OSBPL9: variants seen among roughly 807,000 people sequenced by gnomAD.
OSBPL9 encodes oxysterol binding protein like 9, also known as oxysterol-binding protein-related protein 9.
OSBPL9 carries 40 observed loss-of-function variants against 106.6 expected under a neutral mutation model. The observed-to-expected ratio is 0.38, with a 90% CI of 0.29 to 0.49. The LOEUF (loss-of-function observed/expected upper bound fraction) is 0.49. Ranked by LOEUF, OSBPL9 falls within the 20% of genes least tolerant of loss-of-function variation. The probability of loss-of-function intolerance (pLI) is 0.97; values close to 1 mark genes in which losing one functional copy is unlikely to be tolerated. For synonymous variants in OSBPL9, 269 were observed against 295.4 expected (o/e 0.91, Z 0.92); for missense variants, 609 against 887.2 (o/e 0.69, Z 3.98).
chr1:51,584,137 C>T (rs1362784192), intron 1 of OSBPL9, among the ~76,000 whole-genome samples: 1 of 152,118 alleles, frequency 6.6e-6, no homozygotes, highest in Non-Finnish European at 1.5e-5. Context: ...ATTACAGGTG[C>T]AAGCCACTGT....
chr1:51,538,340 G>C, the OSBPL9 span, among the ~76,000 whole-genome samples: 1 of 152,232 alleles, frequency 6.6e-6, no homozygotes, highest in Non-Finnish European at 1.5e-5. Context: ...AAATAGAATT[G>C]TTACATCCAT....
At chr1:51,622,854 T>G (rs1644526940) in intron 1 of OSBPL9, among the ~76,000 whole-genome samples, 2 of 152,230 alleles carry the variant, frequency 1.3e-5, no homozygotes, top group Non-Finnish European at 1.5e-5. Flanking sequence ...GGGATGGGAA[T>G]TTCAGACATG....
At chr1:51,542,335 G>A in the OSBPL9 span, among the ~76,000 whole-genome samples, 1 of 152,208 alleles carries the variant, frequency 6.6e-6, no homozygotes. Flanking sequence ...CACACACACT[G>A]AGTAAGAGTC....
the OSBPL9 span, among the ~76,000 whole-genome samples, chr1:51,564,238 CT>C: frequency 6.6e-6 from 1 of 151,964 alleles, no homozygotes; most frequent in Non-Finnish European, 1.5e-5. Context: ...AAGAAAGAGG[CT>C]TTAAGCACTT....
At chr1:51,741,078 A>G (rs1179385440) in intron 4 of OSBPL9, among the ~76,000 whole-genome samples, 1 of 152,222 alleles carries the variant, frequency 6.6e-6, no homozygotes, top group Non-Finnish European at 1.5e-5. Context: ...AACTGAAATC[A>G]TTAAGAATTG....
chr1:51,645,810 A>AT (rs1646119231), intron 1 of OSBPL9, among the ~76,000 whole-genome samples: 1 of 151,418 alleles, frequency 6.6e-6, no homozygotes, highest in African/African-American at 2.4e-5. Flanking sequence ...TTTTTATGGC[A>AT]TAGGGTAGGT....
At chr1:51,695,397 T>C (rs1169815641) in intron 3 of OSBPL9, among the ~76,000 whole-genome samples, 4 of 152,186 alleles carry the variant, frequency 2.6e-5, no homozygotes, top group Admixed American at 2.0e-4. Flanking sequence ...AGTTTTGCAC[T>C]GAGGACCCCA....
chr1:51,782,064 T>C (rs1227215466), intron 16 of OSBPL9, among the ~76,000 whole-genome samples: 1 of 152,088 alleles, frequency 6.6e-6, no homozygotes, highest in Non-Finnish European at 1.5e-5. Flanking sequence ...GAAGAGTAGG[T>C]AACCCAGAAC....
At chr1:51,774,986 G>A (rs1674731278) in intron 14 of OSBPL9, among the ~76,000 whole-genome samples, 1 of 151,958 alleles carries the variant, frequency 6.6e-6, no homozygotes, top group African/African-American at 2.4e-5. Flanking sequence ...TGAGTTGTAA[G>A]AGCTGTTTAT....
At chr1:51,550,809 T>C in the OSBPL9 span, among the ~76,000 whole-genome samples, 6 of 152,310 alleles carry the variant, frequency 3.9e-5, no homozygotes, top group East Asian at 1.2e-3. Flanking sequence ...CCACTGTGCC[T>C]GGCCCCATAC....
intron 8 of OSBPL9, among the ~76,000 whole-genome samples, chr1:51,754,889 G>A (rs770690198): frequency 1.3e-5 from 2 of 152,104 alleles, no homozygotes; most frequent in East Asian, 1.9e-4. Context: ...TCACTGCAAC[G>A]TCAAACTCCT....
At chr1:51,565,734 A>G in the OSBPL9 span, 2 of 152,168 alleles carry the variant, frequency 1.3e-5, no homozygotes. Flanking sequence ...TCCAACTCCT[A>G]GGTTAACTCA....
intron 2 of OSBPL9, among the ~76,000 whole-genome samples, chr1:51,607,142 GTTTTTCTTTTCTTTTC>G (rs1643954362): frequency 2.0e-5 from 3 of 149,946 alleles, no homozygotes; most frequent in African/African-American, 7.4e-5. Context: ...GACTACAGAT[GTTTTTCTTTTCTTTTC>G]TTTTTCTTTT....
rs879228443 is a variant in OSBPL9 at position 51,789,074 on chromosome 1, GT to G, written c.*1288del. ...TTGCCAGCTCCTACAGTAACCCTGG[GT>G]TTATTAGTCTCAACAAAGGATAAAA... On this transcript the variant is annotated 3_prime_UTR_variant, in exon 24 of 24. Transcript: ENST00000428468. 7 of 719,420 alleles carry G rather than the reference GT, an allele frequency of 9.7e-6. No individual in the cohort carries two copies. In the South Asian group the frequency reaches 1.3e-4, roughly 13 times the overall value. The allele number at this position is 719,420 out of a possible 1,614,324, so 44.6% of individuals were successfully genotyped here.
At chr1:51,631,755 G>A (rs1333003615) in intron 1 of OSBPL9, among the ~76,000 whole-genome samples, 3 of 152,266 alleles carry the variant, frequency 2.0e-5, no homozygotes, top group East Asian at 1.9e-4. Flanking sequence ...AACTATAAAT[G>A]TCTCCCAAAG....
At chr1:51,723,074 C>T (rs760490390) in intron 4 of OSBPL9, among the ~76,000 whole-genome samples, 2 of 152,208 alleles carry the variant, frequency 1.3e-5, no homozygotes, top group African/African-American at 2.4e-5. Context: ...GCTTCCCCTA[C>T]GCATGTGCGG....
Position 51,787,840 on chromosome 1 carries a change from C to T in OSBPL9, c.*51C>T, listed in dbSNP as rs374373615. 4.8e-6 allele frequency: 7 copies of T among 1,456,340 alleles called. No homozygotes were observed. The highest frequency in any genetic ancestry group is 6.7e-6 in the Non-Finnish European group (7 of 1,038,966). The allele number at this position is 1,456,340 out of a possible 1,614,324, so 90.2% of individuals were successfully genotyped here. On this transcript the variant is annotated 3_prime_UTR_variant, in exon 24 of 24. Coordinates refer to ENST00000428468, the MANE Select transcript of OSBPL9 (RefSeq NM_024586.6). ...GATGATCAGGGCAGTAGGCATAATT[C>T]AGCAACAAACAATCTTCCTTTGGGA...
chr1:51,553,409 G>A, the OSBPL9 span, among the ~76,000 whole-genome samples: 1 of 152,048 alleles, frequency 6.6e-6, no homozygotes, highest in African/African-American at 2.4e-5. Context: ...AGCTACTTGG[G>A]AGGCTGAGGC....
At chr1:51,616,996 ACCGCCCAGGAC>A (rs751032486), upstream of OSBPL9, 100 of 1,496,438 alleles carry the variant, frequency 6.7e-5, no homozygotes, top group Admixed American at 2.6e-4. Context: ...ATCTGCCGGC[ACCGCCCAGGAC>A]CCGCCCAGGA....
Sources: gnomAD v4.1 joint callset for allele counts (sites outside exome capture counted in the v4.1 genomes callset) on GRCh38, gnomAD v4.1.1 for gene constraint, MANE v1.5 for transcripts, NCBI Gene and HGNC (gene_info 2026-07-23, HGNC 2026-07-21) for gene names.